Variants in BAZ1B observed in about 807,000 individuals in gnomAD.
BAZ1B encodes bromodomain adjacent to zinc finger domain 1B.
In BAZ1B, 22 loss-of-function variants were observed where a neutral mutation model predicts 153.8. The observed-to-expected ratio is 0.14, with a 90% confidence interval of 0.10 to 0.20. The LOEUF (loss-of-function observed/expected upper bound fraction) is 0.20. BAZ1B is among the 10% of genes least tolerant of loss of function. BAZ1B has a pLI of 1.00. For synonymous variants in BAZ1B, 676 were observed against 633.4 expected (o/e 1.07, Z -1.01); for missense variants, 1,325 against 1,799.3 (o/e 0.74, Z 4.77).
chr7:73,484,180 C>T (rs952620971), intron 6 of BAZ1B, among the ~76,000 whole-genome samples: 1 of 152,006 alleles, frequency 6.6e-6, no homozygotes, highest in East Asian at 1.9e-4. Flanking sequence ...GCAGGAGAAT[C>T]GCTGGAGCCC....
chr7:73,460,076 T>TC (rs1788339541), intron 12 of BAZ1B, among the ~76,000 whole-genome samples: 1 of 150,984 alleles, frequency 6.6e-6, no homozygotes. Context: ...GTGCCTGTAA[T>TC]CCCAGCTACT....
At chr7:73,496,169 G>C (rs1016858034) in intron 4 of BAZ1B, among the ~76,000 whole-genome samples, 2 of 152,156 alleles carry the variant, frequency 1.3e-5, no homozygotes, top group African/African-American at 4.8e-5. Flanking sequence ...TGTTCGGAAA[G>C]CAGAGAGAAT....
At chr7:73,456,745 CAG>C (rs1563367606) in intron 13 of BAZ1B, among the ~76,000 whole-genome samples, 1 of 151,650 alleles carries the variant, frequency 6.6e-6, no homozygotes, top group Non-Finnish European at 1.5e-5. Context: ...AGTTTGAGAC[CAG>C]TCTGGCCAAC....
chr7:73,448,140 A>G (rs1441547722), intron 15 of BAZ1B, among the ~76,000 whole-genome samples: 1 of 152,164 alleles, frequency 6.6e-6, no homozygotes, highest in Non-Finnish European at 1.5e-5. Flanking sequence ...CCCCATCTCT[A>G]CTAAAAATAC....
At chr7:73,455,473 G>A (rs1185502385) in intron 13 of BAZ1B, among the ~76,000 whole-genome samples, 3 of 152,126 alleles carry the variant, frequency 2.0e-5, no homozygotes, top group African/African-American at 4.8e-5. Context: ...TTATTAATAA[G>A]TAATACAAAA....
chr7:73,495,520 G>A (rs1249744027), intron 4 of BAZ1B, among the ~76,000 whole-genome samples: 1 of 152,126 alleles, frequency 6.6e-6, no homozygotes, highest in Non-Finnish European at 1.5e-5. Context: ...TAAAGAAACC[G>A]AATAGCTGGA....
chr7:73,502,616 GA>G (rs77454950), intron 3 of BAZ1B, among the ~76,000 whole-genome samples: 8,362 of 138,354 alleles, frequency 0.06, 239 homozygotes, highest in Non-Finnish European at 0.071. Flanking sequence ...GTAGGATGAG[GA>G]AAAAAAAAAA....
intron 2 of BAZ1B, among the ~76,000 whole-genome samples, 195 bp from the exon 3 acceptor site, chr7:73,508,666 C>G (rs1790445900): frequency 6.6e-6 from 1 of 152,208 alleles, no homozygotes; most frequent in Non-Finnish European, 1.5e-5. Flanking sequence ...ATCCTCCTAC[C>G]TCTCAGGTAG....
intron 6 of BAZ1B, among the ~76,000 whole-genome samples, chr7:73,482,954 C>G (rs1789258272): frequency 6.6e-6 from 1 of 152,126 alleles, no homozygotes; most frequent in South Asian, 2.1e-4. Context: ...TGGCTGGACT[C>G]AGGGGGATCT....
At chr7:73,498,230 G>C (rs1033776822) in intron 4 of BAZ1B, among the ~76,000 whole-genome samples, 35 of 152,128 alleles carry the variant, frequency 2.3e-4, no homozygotes, top group Non-Finnish European at 3.5e-4. Context: ...AAAGTGCTGG[G>C]ATTACAGGCA....
intron 12 of BAZ1B, 141 bp from the exon 13 acceptor site, chr7:73,459,859 T>C (rs1177425105): frequency 1.4e-6 from 1 of 731,960 alleles, no homozygotes; most frequent in Non-Finnish European, 2.2e-6. Flanking sequence ...TACCATTAAT[T>C]TAACTGTGCT....
intron 15 of BAZ1B, among the ~76,000 whole-genome samples, chr7:73,449,019 G>C (rs993594541): frequency 1.3e-5 from 2 of 152,158 alleles, no homozygotes; most frequent in Non-Finnish European, 2.9e-5. Context: ...AATGATAGCG[G>C]AGACCACGGA....
At chr7:73,519,275 A>G (rs1208257411) in intron 1 of BAZ1B, among the ~76,000 whole-genome samples, 2 of 152,226 alleles carry the variant, frequency 1.3e-5, no homozygotes, top group African/African-American at 2.4e-5. Flanking sequence ...CCCATTAAAA[A>G]CATAATTGTA....
chr7:73,479,484 G>C (rs1234807439), intron 6 of BAZ1B, among the ~76,000 whole-genome samples: 4 of 145,762 alleles, frequency 2.7e-5, no homozygotes, highest in African/African-American at 5.1e-5. Flanking sequence ...CTCCAGCCTG[G>C]AGGACAGAGC....
Position 73,498,613 on chromosome 7 carries a change from G to A in BAZ1B, c.455C>T (p.Ser152Phe), listed in dbSNP as rs1790009150. 6.2e-7 allele frequency: 1 copy of A among 1,614,100 alleles called. No homozygotes were observed. The highest frequency in any genetic ancestry group is 8.5e-7 in the Non-Finnish European group (1 of 1,179,984). The part of the protein sequence containing the change: ...KVDEEATEKK[S>F]DGACDSPSSD... Reference sequence around the variant, plus strand: ...TGATGGAGAATCACAGGCACCATCAGATTTCTTCTCAGTGGCCTCTTCATC... The same window carrying A: ...TGATGGAGAATCACAGGCACCATCAAATTTCTTCTCAGTGGCCTCTTCATC... Residue 152 changes from serine to phenylalanine, a missense_variant, in exon 4 of 20, where the codon TCT becomes TTT. Physicochemically the swap from Ser to Phe is radical, Grantham distance 155. This residue lies in a region of BAZ1B where 153 missense variants were observed against 204.8 expected (regional missense o/e 0.75). Transcript: ENST00000339594.
chr7:73,522,084 G>T lies in BAZ1B; in HGVS notation c.-151C>A. On this transcript the variant is annotated 5_prime_UTR_variant, in exon 1 of 20. Coordinates refer to ENST00000339594, the MANE Select transcript of BAZ1B (RefSeq NM_032408.4). ...CGGCGCGAACTCCGGCTCCCTCACC[G>T]CCGGCGCGGCCGCGCGACAGTCATG... is the stretch of plus-strand genomic sequence containing the variant. The T allele has an allele frequency of 2.2e-6, 1 of 463,080 alleles. No individual in the cohort carries two copies. Among genetic ancestry groups the T allele is most frequent in the Admixed American group, 4.4e-5 (1 of 22,632 alleles). The allele number at this position is 463,080 out of a possible 1,614,324, so 28.7% of individuals were successfully genotyped here. A position where few individuals can be genotyped will look rare whatever the true frequency, so the allele number is the denominator to read the frequency against.
At chr7:73,458,126 T>C (rs1351995897) in intron 13 of BAZ1B, among the ~76,000 whole-genome samples, 4 of 152,186 alleles carry the variant, frequency 2.6e-5, no homozygotes, top group Admixed American at 2.6e-4. Context: ...GCGACTGGCA[T>C]CTGAAGTGAG....
Position 73,450,920 on chromosome 7 carries a change from A to C in BAZ1B, c.3507T>G (p.Leu1169=). 2.5e-6 allele frequency: 4 copies of C among 1,614,142 alleles called. No individual in the cohort carries two copies. The highest frequency in any genetic ancestry group is 3.4e-6 in the Non-Finnish European group (4 of 1,180,030). ...AQTFSRMHVL[L]GMLDACIKWD... Reference sequence around the variant, plus strand: ...ACTTGATACAGGCATCAAGCATCCCAAGCAGCACGTGCATCCTGGAGAAAG... The same window carrying C: ...ACTTGATACAGGCATCAAGCATCCCCAGCAGCACGTGCATCCTGGAGAAAG... The change falls in exon 14 of 20, where the codon CTT becomes CTG. Residue 1169 remains leucine (L), a synonymous_variant. Transcript: ENST00000339594. The surrounding 1 kb of genome is among the most constrained non-coding windows in gnomAD (Gnocchi z 4.1).
chr7:73,464,126 T>C (rs1485738094), intron 11 of BAZ1B: 2 of 982,426 alleles, frequency 2.0e-6, no homozygotes, highest in Admixed American at 6.2e-5. Context: ...GTACCTATTG[T>C]CCTTCGCAAA....
Sources: gnomAD v4.1 joint callset for allele counts (sites outside exome capture counted in the v4.1 genomes callset) on GRCh38, gnomAD v4.1.1 for gene constraint, gnomAD v4.1.1 regional missense constraint, Gnocchi (gnomAD v3.1) non-coding constraint, MANE v1.5 for transcripts, NCBI Gene and HGNC (gene_info 2026-07-23, HGNC 2026-07-21) for gene names.